EMCN: variants seen among roughly 807,000 people sequenced by gnomAD.
EMCN encodes the protein MUC-14.
Under a neutral mutation model 38.4 loss-of-function variants are expected in EMCN, and 37 were observed. The ratio of observed to expected loss-of-function variants is 0.96; its 90% CI spans 0.74 to 1.27. The LOEUF is 1.27. EMCN is among the 50% of genes most tolerant of loss of function. The pLI is 0.00. For synonymous variants in EMCN, 95 were observed against 100.8 expected (o/e 0.94, Z 0.35); for missense variants, 318 against 302.8 (o/e 1.05, Z -0.37).
intron 3 of EMCN, among the ~76,000 whole-genome samples, chr4:100,470,604 T>G (rs1728450185): frequency 6.6e-6 from 1 of 151,996 alleles, no homozygotes; most frequent in African/African-American, 2.4e-5. Flanking sequence ...GCAGCACTAT[T>G]CAGAAGAGTA....
intron 4 of EMCN, among the ~76,000 whole-genome samples, chr4:100,456,108 A>G (rs1228906808): frequency 6.6e-6 from 1 of 152,076 alleles, no homozygotes; most frequent in Non-Finnish European, 1.5e-5. Context: ...CCCTTCTTCA[A>G]ATATGTTTTC....
chr4:100,408,729 T>C lies in EMCN; in HGVS notation c.*39+1553A>G, dbSNP rs78372639. ...CAGGCCTGAGACAAGCTTAGGATTT[T>C]TTCTCTCTCCCCAGCTTGGTGGCAG... On this transcript the variant is annotated intron_variant, in intron 11 of 11. Transcript: ENST00000296420. Among the ~76,000 whole-genome samples, 269 of 152,242 alleles carry C rather than the reference T, an allele frequency of 1.8e-3. 1 individual carries two copies. The highest frequency in any genetic ancestry group is 6.3e-3 in the African/African-American group (261 of 41,540).
intron 7 of EMCN, among the ~76,000 whole-genome samples, chr4:100,422,225 T>C (rs1726907850): frequency 6.6e-6 from 1 of 152,118 alleles, no homozygotes; most frequent in African/African-American, 2.4e-5. Context: ...TACACTTCCA[T>C]TGTCAGAGTT....
chr4:100,492,537 C>A (rs1011036066), intron 1 of EMCN, among the ~76,000 whole-genome samples: 8 of 152,026 alleles, frequency 5.3e-5, no homozygotes, highest in African/African-American at 1.7e-4. Flanking sequence ...AAAATTTTAA[C>A]ATTCAGATAC....
At chr4:100,415,853 CT>C in intron 10 of EMCN, 44 bp downstream of exon 10, 2 of 1,331,916 alleles carry the variant, frequency 1.5e-6, no homozygotes, top group Non-Finnish European at 2.1e-6. Flanking sequence ...TAGTTAGATT[CT>C]AAAATAACTA....
chr4:100,455,612 C>G (rs1560622426), intron 4 of EMCN, among the ~76,000 whole-genome samples: 2 of 148,870 alleles, frequency 1.3e-5, no homozygotes. Flanking sequence ...TTGTTCTTCT[C>G]TATTTAATGT....
chr4:100,514,004 G>A (rs569874542), intron 1 of EMCN, among the ~76,000 whole-genome samples: 2 of 152,074 alleles, frequency 1.3e-5, no homozygotes, highest in South Asian at 2.1e-4. Flanking sequence ...TTAGATATAC[G>A]GGCATCCAGA....
At chr4:100,408,976 G>A (rs1306006858) in intron 11 of EMCN, among the ~76,000 whole-genome samples, 2 of 152,128 alleles carry the variant, frequency 1.3e-5, no homozygotes. Context: ...TGGCTAGAGA[G>A]GGATAAAATT....
At chr4:100,504,220 T>C (rs1729420718) in intron 1 of EMCN, among the ~76,000 whole-genome samples, 1 of 152,178 alleles carries the variant, frequency 6.6e-6, no homozygotes, top group Non-Finnish European at 1.5e-5. Flanking sequence ...ATGTGATCCT[T>C]ACAGTTGGAA....
chr4:100,433,877 C>T (rs190708386), intron 5 of EMCN, among the ~76,000 whole-genome samples: 279 of 152,166 alleles, frequency 1.8e-3, no homozygotes, highest in Non-Finnish European at 2.4e-3. Context: ...CACCAGTATG[C>T]GTTTCCATCA....
At chr4:100,471,536 C>T (rs1269926752) in intron 3 of EMCN, among the ~76,000 whole-genome samples, 3 of 151,918 alleles carry the variant, frequency 2.0e-5, no homozygotes, top group African/African-American at 4.8e-5. Flanking sequence ...CACCAATCCT[C>T]ATAAACTCTT....
chr4:100,413,496 T>C (rs963396017), intron 10 of EMCN, among the ~76,000 whole-genome samples: 4 of 152,154 alleles, frequency 2.6e-5, no homozygotes, highest in Non-Finnish European at 4.4e-5. Context: ...AGAAAAGATA[T>C]TTGAATACAT....
At chr4:100,507,875 T>A (rs1030628364) in intron 1 of EMCN, among the ~76,000 whole-genome samples, 1 of 152,182 alleles carries the variant, frequency 6.6e-6, no homozygotes, top group African/African-American at 2.4e-5. Context: ...AAAAACATGT[T>A]TTTTTGTTGA....
chr4:100,446,489 T>C (rs1184891044), intron 5 of EMCN, among the ~76,000 whole-genome samples: 1 of 152,150 alleles, frequency 6.6e-6, no homozygotes, highest in Non-Finnish European at 1.5e-5. Flanking sequence ...AGAGCACCCA[T>C]AATTTTTAGT....
chr4:100,475,668 T>TCA (rs1560631537), intron 2 of EMCN, among the ~76,000 whole-genome samples: 2 of 90,474 alleles, frequency 2.2e-5, no homozygotes, highest in African/African-American at 5.0e-5. Flanking sequence ...CCTTTTTTTT[T>TCA]TTTTTTTTTT....
chr4:100,452,304 C>T (rs770312260), intron 4 of EMCN, among the ~76,000 whole-genome samples: 1 of 151,904 alleles, frequency 6.6e-6, no homozygotes, highest in Admixed American at 6.6e-5. Context: ...TAAATGTTAT[C>T]AATTCCTACT....
At chr4:100,410,087 C>T (rs1321186496) in intron 11 of EMCN, among the ~76,000 whole-genome samples, 195 bp downstream of exon 11, 1 of 152,212 alleles carries the variant, frequency 6.6e-6, no homozygotes, top group African/African-American at 2.4e-5. Flanking sequence ...GACAAATCGT[C>T]TACAACCACC....
chr4:100,510,928 G>A (rs3775367), intron 1 of EMCN, among the ~76,000 whole-genome samples: 25,070 of 151,992 alleles, frequency 0.16, 3,228 homozygotes, highest in East Asian at 0.7. Flanking sequence ...ACAATGACTG[G>A]TAGGCAAATG....
intron 1 of EMCN, among the ~76,000 whole-genome samples, chr4:100,512,630 C>T (rs1476668263): frequency 1.3e-5 from 2 of 151,756 alleles, no homozygotes; most frequent in Admixed American, 1.3e-4. Context: ...CATGGTAAAA[C>T]CCTGTCTCTA....
Sources: allele counts gnomAD v4.1 joint callset (sites outside exome capture counted in the v4.1 genomes callset), GRCh38; gene constraint gnomAD v4.1.1; transcripts MANE v1.5; gene names NCBI Gene and HGNC (gene_info 2026-07-23, HGNC 2026-07-21).